The following CALCR variants were observed in gnomAD, a reference collection of about 807,000 sequenced individuals.
CALCR encodes calcitonin receptor.
In CALCR, 47 loss-of-function variants were observed where a neutral mutation model predicts 59.5. The observed-to-expected ratio is 0.79, with a 90% confidence interval of 0.63 to 1.01. The LOEUF (loss-of-function observed/expected upper bound fraction) is 1.01, where lower values mean the gene tolerates loss of function less well. Ranked by LOEUF, CALCR falls within the 50% of genes least tolerant of loss-of-function variation. The pLI is 0.00. For missense variants in CALCR, 566 were observed against 597.1 expected, an observed-to-expected ratio of 0.95 and a Z score of 0.54; for synonymous variants, 213 against 211.3, an observed-to-expected ratio of 1.01 and a Z score of -0.07.
chr7:93,480,661 C>T (rs1364350939), intron 3 of CALCR, among the ~76,000 whole-genome samples: 7 of 151,796 alleles, frequency 4.6e-5, no homozygotes, highest in Non-Finnish European at 5.9e-5. Context: ...ATGTCCTACA[C>T]GACAGCACAT....
chr7:93,489,769 G>A (rs1458694333), intron 2 of CALCR, among the ~76,000 whole-genome samples: 3 of 151,732 alleles, frequency 2.0e-5, no homozygotes, highest in African/African-American at 7.3e-5. Context: ...AGTAATTAAT[G>A]GCCTACCAAC....
At chr7:93,485,653 G>C (rs1260968885) in intron 3 of CALCR, among the ~76,000 whole-genome samples, 1 of 151,494 alleles carries the variant, frequency 6.6e-6, no homozygotes, top group Non-Finnish European at 1.5e-5. Flanking sequence ...TAAGGCCTGG[G>C]TATTTACTGG....
At chr7:93,535,847 G>C (rs1788971436) in intron 2 of CALCR, among the ~76,000 whole-genome samples, 1 of 151,518 alleles carries the variant, frequency 6.6e-6, no homozygotes, top group African/African-American at 2.4e-5. Context: ...TGGGACCTTT[G>C]GAATTACCAA....
intron 2 of CALCR, among the ~76,000 whole-genome samples, chr7:93,561,207 C>T (rs978751431): frequency 3.3e-5 from 5 of 152,154 alleles, no homozygotes; most frequent in Non-Finnish European, 7.4e-5. Context: ...TAGTAGGTTG[C>T]ATGCACATGA....
intron 2 of CALCR, among the ~76,000 whole-genome samples, chr7:93,498,011 T>C (rs952379865): frequency 1.3e-5 from 2 of 151,636 alleles, no homozygotes; most frequent in African/African-American, 4.8e-5. Flanking sequence ...TGGTGTAAAC[T>C]ACTTGACAAA....
At chr7:93,446,570 G>A (rs1291464522) in intron 8 of CALCR, among the ~76,000 whole-genome samples, 1 of 151,864 alleles carries the variant, frequency 6.6e-6, no homozygotes, top group Non-Finnish European at 1.5e-5. Flanking sequence ...GCTAGCTCTG[G>A]GAGTATCAAC....
chr7:93,493,799 A>G (rs1236801735), intron 2 of CALCR, among the ~76,000 whole-genome samples: 1 of 151,366 alleles, frequency 6.6e-6, no homozygotes, highest in Non-Finnish European at 1.5e-5. Context: ...TCAGGAGAGG[A>G]AAGTAGGTGG....
intron 2 of CALCR, among the ~76,000 whole-genome samples, chr7:93,533,258 T>G (rs1280362417): frequency 2.0e-5 from 3 of 152,016 alleles, no homozygotes; most frequent in African/African-American, 7.2e-5. Flanking sequence ...ACTCCCTTTT[T>G]CATGGGACTC....
chr7:93,499,502 T>G (rs929822179), intron 2 of CALCR, among the ~76,000 whole-genome samples: 3 of 151,984 alleles, frequency 2.0e-5, no homozygotes, highest in Admixed American at 2.0e-4. Flanking sequence ...TGGCCACGTC[T>G]GGGTAATAAT....
intron 3 of CALCR, among the ~76,000 whole-genome samples, chr7:93,483,185 T>C (rs1475856588): frequency 2.6e-5 from 4 of 151,812 alleles, no homozygotes; most frequent in African/African-American, 7.2e-5. Flanking sequence ...AGTATTTGCA[T>C]ATAACCTATG....
chr7:93,496,098 G>A, intron 2 of CALCR: 1 of 568,144 alleles, frequency 1.8e-6, no homozygotes, highest in Non-Finnish European at 3.0e-6. Context: ...TGTGGAAAGA[G>A]TACAAAATGT....
At chr7:93,467,817 T>C (rs1308502582) in intron 7 of CALCR, among the ~76,000 whole-genome samples, 1 of 151,606 alleles carries the variant, frequency 6.6e-6, no homozygotes, top group Non-Finnish European at 1.5e-5. Context: ...ATAATAATAA[T>C]AATGATATCA....
intron 3 of CALCR, among the ~76,000 whole-genome samples, chr7:93,480,004 T>A (rs955632229): frequency 2.0e-5 from 3 of 151,884 alleles, no homozygotes; most frequent in African/African-American, 4.8e-5. Context: ...TCCCATCTAT[T>A]CCATGGAACA....
At chr7:93,479,608 C>T in intron 3 of CALCR, 101 bp from the exon 4 acceptor site, 2 of 1,035,062 alleles carry the variant, frequency 1.9e-6, no homozygotes, top group South Asian at 3.4e-5. Flanking sequence ...TTTTTGCTCT[C>T]TAAGCAATAC....
intron 3 of CALCR, among the ~76,000 whole-genome samples, chr7:93,486,064 GA>G (rs1800937193): frequency 6.6e-6 from 1 of 151,488 alleles, no homozygotes; most frequent in Admixed American, 6.6e-5. Flanking sequence ...GGAAATCCTC[GA>G]ACCCTATGCA....
intron 2 of CALCR, among the ~76,000 whole-genome samples, chr7:93,522,473 G>A (rs1168993225): frequency 1.3e-5 from 2 of 152,062 alleles, no homozygotes; most frequent in Non-Finnish European, 2.9e-5. Flanking sequence ...GTGTGTTCAC[G>A]TACCTACCTG....
intron 2 of CALCR, among the ~76,000 whole-genome samples, chr7:93,494,043 C>A (rs1274906118): frequency 6.6e-6 from 1 of 151,286 alleles, no homozygotes; most frequent in East Asian, 1.9e-4. Context: ...GTAATGTAGC[C>A]TCTGAGAGAA....
intron 2 of CALCR, among the ~76,000 whole-genome samples, chr7:93,553,915 C>G (rs1584627971): frequency 6.6e-6 from 1 of 152,170 alleles, no homozygotes; most frequent in Admixed American, 6.6e-5. Context: ...TGCCTTCTAA[C>G]ACGTCACTAA....
At chr7:93,478,572 C>T (rs1435380863) in intron 4 of CALCR, among the ~76,000 whole-genome samples, 1 of 151,520 alleles carries the variant, frequency 6.6e-6, no homozygotes, top group Non-Finnish European at 1.5e-5. Context: ...CACCTGTAGT[C>T]CCAACTGCTC....
Sources: gnomAD v4.1 joint callset for allele counts (sites outside exome capture counted in the v4.1 genomes callset) on GRCh38, gnomAD v4.1.1 for gene constraint, MANE v1.5 for transcripts, NCBI Gene and HGNC (gene_info 2026-07-23, HGNC 2026-07-21) for gene names.